The following VPS26A variants were observed in gnomAD, a reference collection of about 807,000 sequenced individuals.
VPS26A encodes vacuolar protein sorting-associated protein 26A.
A neutral mutation model predicts 42.4 loss-of-function variants in VPS26A; 22 were observed. The observed-to-expected ratio is 0.52, with a 90% CI of 0.37 to 0.74. VPS26A has a LOEUF of 0.74. VPS26A is among the 30% of genes least tolerant of loss of function. The pLI is 0.00. For missense variants in VPS26A, 276 were observed against 379.2 expected (o/e 0.73, Z 2.26); for synonymous variants, 110 against 123.5 (o/e 0.89, Z 0.73).
rs184607301 is a variant in VPS26A, at chr10:69,149,219, A to G, written c.154-6593A>G. On this transcript the variant is annotated intron_variant, in intron 2 of 8. Coordinates refer to ENST00000263559, the MANE Select transcript of VPS26A (RefSeq NM_004896.5). ...AACCAAGTGACCAAAATTAACATCA[A>G]TCAGTATTGGGACAAACTGGCATTG... is the stretch of plus-strand genomic sequence containing the variant. Among the ~76,000 whole-genome samples, 39 of 152,316 alleles carry G rather than the reference A, an allele frequency of 2.6e-4. No homozygotes were observed. The East Asian group carries it at 3.9e-3, about 15-fold the overall frequency.
At chr10:69,138,626 A>G (rs1054407207) in intron 2 of VPS26A, among the ~76,000 whole-genome samples, 13 of 152,128 alleles carry the variant, frequency 8.5e-5, no homozygotes, top group African/African-American at 2.7e-4. Context: ...AGATGGGGAG[A>G]GTTTTTAAAT....
At chr10:69,167,725 A>G (rs1221113346) in intron 7 of VPS26A, among the ~76,000 whole-genome samples, 1 of 142,668 alleles carries the variant, frequency 7.0e-6, no homozygotes, top group Non-Finnish European at 1.5e-5. Flanking sequence ...CCTGGGCGAC[A>G]GACCAAGACT....
intron 2 of VPS26A, among the ~76,000 whole-genome samples, chr10:69,150,290 A>G (rs980375582): frequency 6.6e-6 from 1 of 152,044 alleles, no homozygotes; most frequent in Non-Finnish European, 1.5e-5. Flanking sequence ...TCCTGACCTG[A>G]AGCGGTCCGC....
intron 6 of VPS26A, among the ~76,000 whole-genome samples, chr10:69,164,966 T>C (rs910096362): frequency 6.6e-5 from 10 of 151,626 alleles, no homozygotes; most frequent in Non-Finnish European, 1.0e-4. Flanking sequence ...TCTCCCTCTG[T>C]TTCCAGGCTG....
At position 69,168,527 on chromosome 10, in the gene VPS26A, G is replaced by A. The variant is rs1396111916; in HGVS notation, c.766G>A (p.Asp256Asn). The change falls in exon 8 of 9, where the codon GAC becomes AAC. Residue 256 changes from aspartate to asparagine, a missense_variant. Physicochemically the swap from Asp to Asn is conservative, Grantham distance 23 (BLOSUM62 1). Coordinates refer to ENST00000263559, the MANE Select transcript of VPS26A (RefSeq NM_004896.5). ...AATAAGGCTATTTTTAGCAGGATAT[G>A]ACCCAACTCCAACAATGAGAGATGT... The part of the protein sequence containing the change: ...IPIRLFLAGY[D>N]PTPTMRDVNK... 2 of 1,613,984 alleles carry A rather than the reference G, an allele frequency of 1.2e-6. No individual in the cohort carries two copies. Among genetic ancestry groups the A allele is most frequent in the East Asian group, 2.2e-5 (1 of 44,872 alleles).
intron 2 of VPS26A, among the ~76,000 whole-genome samples, chr10:69,135,141 A>T (rs1251075408): frequency 6.6e-6 from 1 of 152,204 alleles, no homozygotes; most frequent in African/African-American, 2.4e-5. Flanking sequence ...CAGATATGAC[A>T]TGTAAATATC....
intron 2 of VPS26A, among the ~76,000 whole-genome samples, chr10:69,154,724 G>A (rs1256799880): frequency 6.6e-6 from 1 of 152,004 alleles, no homozygotes; most frequent in East Asian, 1.9e-4. Flanking sequence ...TAATTAGCTT[G>A]GTGTAGTTAT....
At chr10:69,153,512 A>T (rs1403999313) in intron 2 of VPS26A, among the ~76,000 whole-genome samples, 4 of 139,332 alleles carry the variant, frequency 2.9e-5, no homozygotes, top group African/African-American at 1.1e-4. Flanking sequence ...TACCCAGCTA[A>T]TTTTTTTTTT....
At chr10:69,143,916 C>T (rs1841098804) in intron 2 of VPS26A, among the ~76,000 whole-genome samples, 1 of 152,098 alleles carries the variant, frequency 6.6e-6, no homozygotes, top group Admixed American at 6.6e-5. Flanking sequence ...TGGGGTCTCC[C>T]CATGTTTCCC....
chr10:69,144,292 GT>G (rs1387846222), intron 2 of VPS26A, among the ~76,000 whole-genome samples: 1 of 152,058 alleles, frequency 6.6e-6, no homozygotes, highest in Non-Finnish European at 1.5e-5. Flanking sequence ...TTACATTAGG[GT>G]TTACTCTGTT....
chr10:69,164,202 G>T (rs1841630496), intron 6 of VPS26A, among the ~76,000 whole-genome samples: 1 of 150,136 alleles, frequency 6.7e-6, no homozygotes, highest in African/African-American at 2.5e-5. Context: ...CTATATATTA[G>T]AGAAATCAAT....
At chr10:69,131,634 G>A (rs1840780453) in intron 1 of VPS26A, among the ~76,000 whole-genome samples, 1 of 152,064 alleles carries the variant, frequency 6.6e-6, no homozygotes, top group Non-Finnish European at 1.5e-5. Flanking sequence ...TTGGGAGGCT[G>A]AGGCAGGAGA....
intron 1 of VPS26A, among the ~76,000 whole-genome samples, chr10:69,124,971 G>T (rs2132175782): frequency 6.6e-6 from 1 of 152,324 alleles, no homozygotes; most frequent in African/African-American, 2.4e-5. Context: ...GGCCTATGAG[G>T]CAGAGGAGGG....
chr10:69,127,093 A>ATTTTTTT (rs71035057), intron 1 of VPS26A, among the ~76,000 whole-genome samples: 30 of 97,540 alleles, frequency 3.1e-4, no homozygotes, highest in Admixed American at 4.9e-4. Context: ...CACCCGGCCA[A>ATTTTTTT]TTTTTTTTTT....
At chr10:69,142,364 ATT>A (rs58499005) in intron 2 of VPS26A, among the ~76,000 whole-genome samples, 6 of 148,122 alleles carry the variant, frequency 4.1e-5, no homozygotes, top group Non-Finnish European at 5.9e-5. Context: ...AATTAAAAAA[ATT>A]TTTTTTTTTT....
intron 2 of VPS26A, among the ~76,000 whole-genome samples, chr10:69,154,882 T>C (rs771706982): frequency 5.3e-5 from 8 of 152,320 alleles, no homozygotes; most frequent in South Asian, 2.1e-4. Flanking sequence ...TGTGTGTGTG[T>C]GCGCGCACGC....
chr10:69,158,182 A>T lies in VPS26A; in HGVS notation c.522A>T (p.Leu174=). ...TGGAAGTGGGCATTGAAGATTGTCTACATATAGAATTTGAATATAATAAAT... is the reference window on the plus strand; with the variant it reads ...TGGAAGTGGGCATTGAAGATTGTCTTCATATAGAATTTGAATATAATAAAT... ...IKMEVGIEDC[L]HIEFEYNKSK... The change falls in exon 5 of 9, where the codon CTA becomes CTT. Residue 174 remains leucine (L), a synonymous_variant. Transcript: ENST00000263559. The T allele has an allele frequency of 6.2e-7, 1 of 1,602,214 alleles. No homozygotes were observed. The highest frequency in any genetic ancestry group is 1.3e-5 in the African/African-American group (1 of 74,360).
chr10:69,134,746 G>A (rs1420696111), intron 2 of VPS26A, among the ~76,000 whole-genome samples: 2 of 150,868 alleles, frequency 1.3e-5, no homozygotes, highest in Non-Finnish European at 3.0e-5. Context: ...AATCCGAAGT[G>A]AATTTTTTGG....
intron 2 of VPS26A, among the ~76,000 whole-genome samples, chr10:69,141,585 G>A (rs1841041392): frequency 6.6e-6 from 1 of 152,210 alleles, no homozygotes. Flanking sequence ...TATTTGAGCA[G>A]TGCCTGTATT....
Sources: allele counts gnomAD v4.1 joint callset (sites outside exome capture counted in the v4.1 genomes callset), GRCh38; gene constraint gnomAD v4.1.1; transcripts MANE v1.5; gene names NCBI Gene and HGNC (gene_info 2026-07-23, HGNC 2026-07-21).